The following POLH variants were observed in gnomAD, a reference collection of about 807,000 sequenced individuals.
The protein encoded by POLH is DNA polymerase eta transcript.
A neutral mutation model predicts 73.6 loss-of-function variants in POLH; 53 were observed. The ratio of observed to expected loss-of-function variants is 0.72; its 90% CI spans 0.58 to 0.91. The LOEUF is 0.91. Among genes scored for constraint, POLH ranks in the 40% least tolerant of loss-of-function variants. The pLI, the probability that POLH is intolerant of heterozygous loss-of-function variation, is 0.00. For synonymous variants in POLH, 292 were observed against 308.5 expected (o/e 0.95, Z 0.56); for missense variants, 768 against 865.4 (o/e 0.89, Z 1.41).
intron 8 of POLH, 120 bp from the exon 9 acceptor site, chr6:43,605,134 T>C (rs1301988449): frequency 1.4e-6 from 1 of 714,394 alleles, no homozygotes; most frequent in East Asian, 2.7e-5. Flanking sequence ...ATCCTTTGAT[T>C]ATGGGGAGTC....
At chr6:43,612,212 GAA>G (rs1161027282) in intron 10 of POLH, among the ~76,000 whole-genome samples, 1 of 152,070 alleles carries the variant, frequency 6.6e-6, no homozygotes, top group Non-Finnish European at 1.5e-5. Flanking sequence ...AACCTTATTT[GAA>G]AAGTTATAAA....
chr6:43,607,712 TC>T (rs1767452685), intron 9 of POLH, among the ~76,000 whole-genome samples: 2 of 152,194 alleles, frequency 1.3e-5, no homozygotes, highest in African/African-American at 4.8e-5. Context: ...TTTTTCCACA[TC>T]CTTGTTACTG....
At chr6:43,582,774 C>T (rs557417475) in intron 2 of POLH, among the ~76,000 whole-genome samples, 7 of 152,268 alleles carry the variant, frequency 4.6e-5, no homozygotes, top group East Asian at 1.9e-4. Flanking sequence ...CTTGAACTCC[C>T]GGCCTCAAGC....
intron 5 of POLH, among the ~76,000 whole-genome samples, chr6:43,598,598 C>T (rs2127796312): frequency 6.6e-6 from 1 of 150,494 alleles, no homozygotes; most frequent in East Asian, 2.0e-4. Context: ...TGTGCCACTG[C>T]ACGCCAGCCT....
chr6:43,612,765 A>G (rs1768031888), intron 10 of POLH, among the ~76,000 whole-genome samples: 1 of 151,896 alleles, frequency 6.6e-6, no homozygotes, highest in African/African-American at 2.4e-5. Context: ...TTGAGTGATT[A>G]GACACAATGA....
intron 4 of POLH, chr6:43,591,420 A>G (rs555072647): frequency 6.6e-6 from 1 of 152,250 alleles, no homozygotes; most frequent in East Asian, 1.9e-4. Context: ...CCAGGGTTCA[A>G]GTGATCCTCA....
rs1470868517 is a variant in POLH, at chr6:43,618,796, A to C, written c.*4239A>C. Among the ~76,000 whole-genome samples, 1 of 151,660 alleles carries C rather than the reference A, an allele frequency of 6.6e-6. No individual in the cohort carries two copies. The highest frequency in any genetic ancestry group is 2.4e-5 in the African/African-American group (1 of 41,296). On this transcript the variant is annotated 3_prime_UTR_variant, in exon 11 of 11. Coordinates refer to ENST00000372236, the MANE Select transcript of POLH (RefSeq NM_006502.3). ...TAGGCATGCACCATCACGCCTGGCT[A>C]ATTTTTGTATTTTTAGTAGAGATGG...
rs573138863 is a variant in POLH, at chr6:43,585,939, C to T, written c.273-1333C>T. On this transcript the variant is annotated intron_variant, in intron 3 of 10. Coordinates refer to ENST00000372236, the MANE Select transcript of POLH (RefSeq NM_006502.3). ...GATTACAGGTGTGAACTGCTGCGCCCGATCTTGCTCTTTATTTTCTTTGAG... is the reference window on the plus strand; with the variant it reads ...GATTACAGGTGTGAACTGCTGCGCCTGATCTTGCTCTTTATTTTCTTTGAG... Among the ~76,000 whole-genome samples, 5 of 151,334 alleles carry T rather than the reference C, an allele frequency of 3.3e-5. 1 individual carries two copies. The highest frequency in any genetic ancestry group is 1.2e-4 in the African/African-American group (5 of 41,286).
rs568608239 is a variant in POLH, at chr6:43,587,132, T to C, written c.273-140T>C. ...CTGCCTGCCGATTGACCCTTTCAGT[T>C]ACTATTGTCTAGTCTCTGTTAAGCC... On this transcript the variant is annotated intron_variant, in intron 3 of 10. Coordinates refer to ENST00000372236, the MANE Select transcript of POLH (RefSeq NM_006502.3). 1.5e-5 allele frequency: 11 copies of C among 749,004 alleles called. No homozygotes were observed. In the East Asian group the frequency reaches 2.5e-4, roughly 17 times the overall value. 46.4% of individuals were successfully genotyped at this position (749,004 alleles called of 1,614,324 possible). A position where few individuals can be genotyped will look rare whatever the true frequency, so the allele number is the denominator to read the frequency against.
At chr6:43,582,981 C>A in intron 2 of POLH, 26 bp from the exon 3 acceptor site, 2 of 1,601,426 alleles carry the variant, frequency 1.2e-6, no homozygotes, top group Non-Finnish European at 1.7e-6. Flanking sequence ...AATATGTTTT[C>A]TGTTTCCTTT....
chr6:43,578,115 G>A (rs938298051), intron 1 of POLH, among the ~76,000 whole-genome samples: 2 of 151,676 alleles, frequency 1.3e-5, no homozygotes, highest in African/African-American at 2.4e-5. Context: ...GGCCGAGCGC[G>A]ATGGCTCACG....
Position 43,576,647 on chromosome 6 carries a change from G to C in POLH, c.-5+207G>C, listed in dbSNP as rs9381246. Among the ~76,000 whole-genome samples the C allele has an allele frequency of 1.3e-4, 20 of 152,222 alleles. No homozygotes were observed. The East Asian group carries it at 3.1e-3, about 23-fold the overall frequency. ...CCTGTAGTTGTTAAACCTCTCTCTT[G>C]GAATTACTTTCCTGGATGTATTATT... is the stretch of plus-strand genomic sequence containing the variant. On this transcript the variant is annotated intron_variant, in intron 1 of 10. Coordinates refer to ENST00000372236, the MANE Select transcript of POLH (RefSeq NM_006502.3).
chr6:43,578,919 C>A (rs1763701436), intron 1 of POLH, among the ~76,000 whole-genome samples: 2 of 152,068 alleles, frequency 1.3e-5, no homozygotes, highest in South Asian at 4.1e-4. Flanking sequence ...TTTTTATGTG[C>A]CAATTGGCTA....
Position 43,615,779 on chromosome 6 carries a change from TCTC to T in POLH, c.*1225_*1227del, listed in dbSNP as rs1768282557. 6.6e-6 allele frequency: 1 copy of T among 151,722 alleles called. No homozygotes were observed. Among genetic ancestry groups the T allele is most frequent in the African/African-American group, 2.4e-5 (1 of 41,344 alleles). 9.4% of individuals were successfully genotyped at this position (151,722 alleles called of 1,614,324 possible). Reference sequence around the variant, plus strand: ...CCTCCGTCTCCTGGGTTCAAGCAATTCTCCTGCCTCAGCCTCCCAAGTAGCTGG... The same window carrying T: ...CCTCCGTCTCCTGGGTTCAAGCAATTCTGCCTCAGCCTCCCAAGTAGCTGG... On this transcript the variant is annotated 3_prime_UTR_variant, in exon 11 of 11. Transcript: ENST00000372236.
chr6:43,613,469 T>C (rs922384724), intron 10 of POLH, among the ~76,000 whole-genome samples, 191 bp from the exon 11 acceptor site: 1 of 152,208 alleles, frequency 6.6e-6, no homozygotes, highest in Non-Finnish European at 1.5e-5. Context: ...TGTTAATCTC[T>C]GATACACATT....
At chr6:43,586,834 T>C (rs1287001810) in intron 3 of POLH, among the ~76,000 whole-genome samples, 1 of 152,242 alleles carries the variant, frequency 6.6e-6, no homozygotes, top group East Asian at 1.9e-4. Context: ...CCATATACTC[T>C]GGTTCACTGA....
intron 3 of POLH, among the ~76,000 whole-genome samples, chr6:43,585,583 A>G (rs936666547): frequency 6.6e-6 from 1 of 151,520 alleles, no homozygotes; most frequent in Non-Finnish European, 1.5e-5. Flanking sequence ...ATATTTCACA[A>G]TATTATAAGT....
intron 1 of POLH, among the ~76,000 whole-genome samples, chr6:43,581,539 A>G (rs1192621736): frequency 2.7e-5 from 4 of 150,512 alleles, no homozygotes; most frequent in South Asian, 4.2e-4. Context: ...AGGCCAAGGC[A>G]GGCGGCTGCT....
intron 1 of POLH, chr6:43,578,524 CAAAA>C: frequency 4.0e-6 from 1 of 249,086 alleles, no homozygotes; most frequent in Admixed American, 5.9e-5. Flanking sequence ...GACTTTGTCT[CAAAA>C]AAAAAAAAGT....
Sources: allele counts gnomAD v4.1 joint callset (sites outside exome capture counted in the v4.1 genomes callset), GRCh38; gene constraint gnomAD v4.1.1; transcripts MANE v1.5; gene names NCBI Gene and HGNC (gene_info 2026-07-23, HGNC 2026-07-21).